The following USP32 variants were observed in gnomAD, a reference collection of about 807,000 sequenced individuals.
USP32 encodes the protein ubiquitin specific peptidase 32, also known as ubiquitin carboxyl-terminal hydrolase 32.
Under a neutral mutation model 204.8 loss-of-function variants are expected in USP32, and 59 were observed. That is an observed-to-expected ratio of 0.29 (90% confidence interval 0.23 to 0.36). The LOEUF (loss-of-function observed/expected upper bound fraction) is 0.36, where lower values mean the gene tolerates loss of function less well. Among genes scored for constraint, USP32 ranks in the 10% least tolerant of loss-of-function variants. The pLI is 1.00. For missense variants in USP32, 1,160 were observed against 1,946.4 expected, an observed-to-expected ratio of 0.60 and a Z score of 7.60; for synonymous variants, 517 against 678.4, an observed-to-expected ratio of 0.76 and a Z score of 3.70.
chr17:60,210,184 G>T (rs1655043612), intron 21 of USP32, among the ~76,000 whole-genome samples: 1 of 151,912 alleles, frequency 6.6e-6, no homozygotes, highest in African/African-American at 2.4e-5. Context: ...TTAATAATTT[G>T]TAATATAAAA....
At chr17:60,245,348 C>T in intron 11 of USP32, 1 of 383,156 alleles carries the variant, frequency 2.6e-6, no homozygotes, top group Non-Finnish European at 5.1e-6. Context: ...AGCTGGGCTG[C>T]TCTTTCCACA....
At chr17:60,395,366 T>G (rs1380819079), upstream of USP32, among the ~76,000 whole-genome samples, 1 of 152,226 alleles carries the variant, frequency 6.6e-6, no homozygotes, top group Non-Finnish European at 1.5e-5. Context: ...TTGTCTGAGT[T>G]AAATTAAGCA....
intron 12 of USP32, among the ~76,000 whole-genome samples, chr17:60,226,465 T>G (rs1213376015): frequency 6.6e-6 from 1 of 152,218 alleles, no homozygotes; most frequent in Non-Finnish European, 1.5e-5. Context: ...TTGTGCCACA[T>G]AAAGTAATTT....
intron 1 of USP32, among the ~76,000 whole-genome samples, chr17:60,362,538 T>C (rs1401200545): frequency 1.3e-5 from 2 of 152,232 alleles, no homozygotes; most frequent in Non-Finnish European, 2.9e-5. Flanking sequence ...ACTTAGTTTA[T>C]TGTCACAGGA....
chr17:60,400,311 G>T (rs2089926309), intron 1 of USP32, among the ~76,000 whole-genome samples: 1 of 152,162 alleles, frequency 6.6e-6, no homozygotes, highest in Non-Finnish European at 1.5e-5. Flanking sequence ...GTTGAAAGTG[G>T]ACTGGAGTGA....
At chr17:60,407,048 T>C (rs1335262644) in intron 1 of USP32, among the ~76,000 whole-genome samples, 7 of 152,096 alleles carry the variant, frequency 4.6e-5, no homozygotes, top group Non-Finnish European at 8.8e-5. Context: ...ACTGACGTCA[T>C]TGAGATAAAG....
chr17:60,203,290 A>G (rs752291484), intron 26 of USP32, among the ~76,000 whole-genome samples: 26 of 150,616 alleles, frequency 1.7e-4, no homozygotes, highest in Non-Finnish European at 2.1e-4. Flanking sequence ...AGTATCAGCT[A>G]CTTGGGAGGC....
chr17:60,317,601 T>G (rs995944412), intron 2 of USP32, among the ~76,000 whole-genome samples: 1 of 150,188 alleles, frequency 6.7e-6, no homozygotes, highest in Non-Finnish European at 1.5e-5. Flanking sequence ...GATCGCTTAA[T>G]GCCAGGAGTT....
In USP32 at chr17:60,390,997, C is replaced by T. The variant is rs1260863684; in HGVS notation, c.58+885G>A. Among the ~76,000 whole-genome samples the T allele has an allele frequency of 3.9e-5, 6 of 152,180 alleles. No individual in the cohort carries two copies. The East Asian group carries it at 1.2e-3, about 29-fold the overall frequency. ...TAGTGTGTGCTTTAGTGATCATGGA[C>T]AGCGGTATCAGAGTGAGTGGTAGGG... On this transcript the variant is annotated intron_variant, in intron 1 of 33. Transcript: ENST00000300896.
At chr17:60,356,152 T>C (rs1203648885) in intron 1 of USP32, among the ~76,000 whole-genome samples, 1 of 152,138 alleles carries the variant, frequency 6.6e-6, no homozygotes, top group Non-Finnish European at 1.5e-5. Flanking sequence ...GAGTTCACTC[T>C]ACAAATAAAA....
At chr17:60,419,822 TTA>T (rs2143130054) in intron 1 of USP32, among the ~76,000 whole-genome samples, 1 of 53,250 alleles carries the variant, frequency 1.9e-5, no homozygotes, top group South Asian at 4.6e-4. Flanking sequence ...AAAAAAATTA[TTA>T]TTATTATTAT....
At position 60,344,987 on chromosome 17, in the gene USP32, A is replaced by ATATT. The variant is rs368296284; in HGVS notation, c.186+493_186+494insAATA. On this transcript the variant is annotated intron_variant, in intron 2 of 33. Coordinates refer to ENST00000300896, the MANE Select transcript of USP32 (RefSeq NM_032582.4). ...TAAACATATTATTTTTAGAAACAGA[A>ATATT]TATATCAACTTAGCACATTTTATTT... 1.3e-3 allele frequency among the ~76,000 whole-genome samples: 204 copies of ATATT among 152,322 alleles called. 1 individual carries two copies. Among genetic ancestry groups the ATATT allele is most frequent in the African/African-American group, 4.5e-3 (188 of 41,564 alleles).
intron 1 of USP32, among the ~76,000 whole-genome samples, chr17:60,347,066 A>G (rs1185569071): frequency 6.6e-6 from 1 of 152,186 alleles, no homozygotes; most frequent in Admixed American, 6.5e-5. Flanking sequence ...AACAAAGAGA[A>G]CAGAACAAAT....
intron 12 of USP32, among the ~76,000 whole-genome samples, chr17:60,234,159 G>A (rs1297852109): frequency 6.6e-6 from 1 of 151,124 alleles, no homozygotes; most frequent in South Asian, 2.1e-4. Context: ...TGTCGCCCAG[G>A]CTGGAGTGCA....
chr17:60,378,766 CA>C (rs936630095), intron 1 of USP32, among the ~76,000 whole-genome samples: 1 of 151,748 alleles, frequency 6.6e-6, no homozygotes, highest in Non-Finnish European at 1.5e-5. Context: ...TAGAGGTTAC[CA>C]GGGGCTGGGG....
chr17:60,396,568 C>T (rs1395656229), upstream of USP32, among the ~76,000 whole-genome samples: 2 of 152,156 alleles, frequency 1.3e-5, no homozygotes, highest in East Asian at 1.9e-4. Flanking sequence ...AGCTCACACC[C>T]GAACTGTAAT....
At chr17:60,421,390 C>G in intron 1 of USP32, 1 of 985,624 alleles carries the variant, frequency 1.0e-6, no homozygotes, top group Non-Finnish European at 1.2e-6. Flanking sequence ...CGCTATGCCC[C>G]TCTCCTGTGC....
At chr17:60,370,061 T>G (rs1277209751) in intron 1 of USP32, among the ~76,000 whole-genome samples, 1 of 152,066 alleles carries the variant, frequency 6.6e-6, no homozygotes, top group Non-Finnish European at 1.5e-5. Flanking sequence ...TTTTTTTTTT[T>G]TGAGACAGAG....
chr17:60,336,890 T>C (rs923311868), intron 2 of USP32, among the ~76,000 whole-genome samples: 2 of 152,202 alleles, frequency 1.3e-5, no homozygotes, highest in Non-Finnish European at 2.9e-5. Flanking sequence ...GGTTGTTCTG[T>C]CAGCTATGAT....
Sources: allele counts gnomAD v4.1 joint callset (sites outside exome capture counted in the v4.1 genomes callset), GRCh38; gene constraint gnomAD v4.1.1; transcripts MANE v1.5; gene names NCBI Gene and HGNC (gene_info 2026-07-23, HGNC 2026-07-21).